Variants in PIP4K2A observed in about 807,000 individuals in gnomAD.
PIP4K2A encodes the protein phosphatidylinositol-5-phosphate 4-kinase type 2 alpha, also known as phosphatidylinositol 5-phosphate 4-kinase type-2 alpha.
In PIP4K2A, 14 loss-of-function variants were observed where a neutral mutation model predicts 42.9. That is an observed-to-expected ratio of 0.33 (90% confidence interval 0.22 to 0.51). PIP4K2A has a LOEUF of 0.51. Ranked by LOEUF, PIP4K2A falls within the 20% of genes least tolerant of loss-of-function variation. The pLI, the probability that PIP4K2A is intolerant of heterozygous loss-of-function variation, is 0.97. For synonymous variants in PIP4K2A, 192 were observed against 192.2 expected (o/e 1.00, Z 0.01); for missense variants, 434 against 519.8 (o/e 0.83, Z 1.61).
At chr10:22,565,763 C>T (rs948082529) in intron 6 of PIP4K2A, among the ~76,000 whole-genome samples, 28 of 152,154 alleles carry the variant, frequency 1.8e-4, no homozygotes, top group South Asian at 2.1e-4. Context: ...GGAGAAATAT[C>T]GCTGAATTCT....
At chr10:22,645,029 C>A (rs1220463039) in intron 1 of PIP4K2A, among the ~76,000 whole-genome samples, 1 of 152,168 alleles carries the variant, frequency 6.6e-6, no homozygotes, top group African/African-American at 2.4e-5. Context: ...TGGGGACTTA[C>A]TAAAAGAGCA....
intron 3 of PIP4K2A, among the ~76,000 whole-genome samples, chr10:22,593,045 T>C (rs1171903035): frequency 6.6e-6 from 1 of 152,210 alleles, no homozygotes; most frequent in Non-Finnish European, 1.5e-5. Context: ...CCAGTCTCTT[T>C]ATCCTTTCCT....
intron 1 of PIP4K2A, among the ~76,000 whole-genome samples, chr10:22,668,960 TC>T (rs1025008832): frequency 6.6e-6 from 1 of 152,234 alleles, no homozygotes; most frequent in Non-Finnish European, 1.5e-5. Flanking sequence ...TTAATACATT[TC>T]ATTTTTAATA....
Position 22,550,719 on chromosome 10 carries a change from C to T in PIP4K2A, c.732G>A (p.Lys244=). 1.2e-6 allele frequency: 2 copies of T among 1,609,186 alleles called. No homozygotes were observed. Among genetic ancestry groups the T allele is most frequent in the Non-Finnish European group, 1.7e-6 (2 of 1,175,442 alleles). ...KDNDFINEGQ[K]IYIDDNNKKV... ...TCTTGTTGTTGTCATCAATATAAAT[C>T]TTTTGGCCCTCATTAATGAAATCAT... The change falls in exon 7 of 10, where the codon AAG becomes AAA. Residue 244 remains lysine (K), a synonymous_variant. Coordinates refer to ENST00000376573, the MANE Select transcript of PIP4K2A (RefSeq NM_005028.5).
intron 1 of PIP4K2A, among the ~76,000 whole-genome samples, chr10:22,665,831 T>A (rs942028794): frequency 3.3e-5 from 5 of 151,692 alleles, no homozygotes; most frequent in African/African-American, 1.2e-4. Flanking sequence ...TATATATACA[T>A]ACACACACAG....
At chr10:22,678,311 C>T (rs970192628) in intron 1 of PIP4K2A, among the ~76,000 whole-genome samples, 1 of 151,840 alleles carries the variant, frequency 6.6e-6, no homozygotes, top group African/African-American at 2.4e-5. Context: ...CACACATGTG[C>T]GTGTCTTCAT....
chr10:22,549,516 ATTGTT>A (rs1836345985), intron 7 of PIP4K2A, among the ~76,000 whole-genome samples: 1 of 152,152 alleles, frequency 6.6e-6, no homozygotes, highest in South Asian at 2.1e-4. Flanking sequence ...TTCCCACTGC[ATTGTT>A]TTGTAACTCA....
chr10:22,703,004 G>C (rs919265074), intron 1 of PIP4K2A, among the ~76,000 whole-genome samples: 10 of 152,292 alleles, frequency 6.6e-5, no homozygotes, highest in African/African-American at 2.4e-4. Flanking sequence ...GAAAATAACA[G>C]TATGATAGTG....
At chr10:22,548,085 A>C (rs4532931) in intron 7 of PIP4K2A, among the ~76,000 whole-genome samples, 88,119 of 152,076 alleles carry the variant, frequency 0.58, 26,215 homozygotes, top group South Asian at 0.78. Flanking sequence ...GGAACTGATG[A>C]AAACAGAAAA....
chr10:22,636,591 G>A (rs931038083), intron 1 of PIP4K2A, among the ~76,000 whole-genome samples: 11 of 152,160 alleles, frequency 7.2e-5, no homozygotes, highest in South Asian at 2.1e-4. Flanking sequence ...CACCTCATTC[G>A]CTGTAGGGGT....
At chr10:22,712,156 C>T (rs143128586) in intron 1 of PIP4K2A, among the ~76,000 whole-genome samples, 2 of 152,236 alleles carry the variant, frequency 1.3e-5, no homozygotes, top group East Asian at 3.9e-4. Flanking sequence ...GAAAATAACA[C>T]CAAATGTACT....
chr10:22,668,285 C>A (rs1202889394), intron 1 of PIP4K2A, among the ~76,000 whole-genome samples: 2 of 152,060 alleles, frequency 1.3e-5, no homozygotes, highest in African/African-American at 4.8e-5. Context: ...TTTAAAATTC[C>A]CTGCATTAAA....
At chr10:22,568,906 C>T (rs1489369391) in intron 5 of PIP4K2A, 7 of 804,206 alleles carry the variant, frequency 8.7e-6, no homozygotes, top group Non-Finnish European at 1.4e-5. Flanking sequence ...CACTGGACAC[C>T]CCTAACTATC....
intron 6 of PIP4K2A, among the ~76,000 whole-genome samples, chr10:22,562,968 A>G (rs1453596952): frequency 6.6e-6 from 1 of 152,130 alleles, no homozygotes; most frequent in Non-Finnish European, 1.5e-5. Context: ...TGGGAGCCAG[A>G]TTGCAGCAGG....
intron 7 of PIP4K2A, among the ~76,000 whole-genome samples, chr10:22,549,626 G>T (rs1421863358): frequency 6.6e-6 from 1 of 151,584 alleles, no homozygotes; most frequent in Non-Finnish European, 1.5e-5. Flanking sequence ...TGGATCACGA[G>T]GTCAGGAGAT....
intron 1 of PIP4K2A, among the ~76,000 whole-genome samples, chr10:22,705,425 TTAAA>T (rs1208444534): frequency 7.0e-5 from 4 of 56,904 alleles, no homozygotes; most frequent in African/African-American, 2.8e-4. Context: ...AGTACCCCAG[TTAAA>T]AAAAAAAAAA....
chr10:22,712,296 A>G (rs1264451525), intron 1 of PIP4K2A, among the ~76,000 whole-genome samples: 4 of 152,222 alleles, frequency 2.6e-5, no homozygotes, highest in Non-Finnish European at 5.9e-5. Flanking sequence ...TAAAACATAC[A>G]CAATTACAAG....
chr10:22,575,734 C>T lies in PIP4K2A; in HGVS notation c.493-2277G>A, dbSNP rs190663164. On this transcript the variant is annotated intron_variant, in intron 4 of 9. Coordinates refer to ENST00000376573, the MANE Select transcript of PIP4K2A (RefSeq NM_005028.5). ...GCAGGTGGATCACGAGGTCAGGAGTCCAAGATCAGCCTGGCCAAGATGGTG... is the reference window on the plus strand; with the variant it reads ...GCAGGTGGATCACGAGGTCAGGAGTTCAAGATCAGCCTGGCCAAGATGGTG... Among the ~76,000 whole-genome samples the T allele has an allele frequency of 5.3e-5, 8 of 152,016 alleles. No homozygotes were observed. The East Asian group carries it at 1.6e-3, about 29-fold the overall frequency.
rs75645178 is a variant in PIP4K2A, at chr10:22,599,448, A to C, written c.340-7667T>G. Among the ~76,000 whole-genome samples, 13 of 152,284 alleles carry C rather than the reference A, an allele frequency of 8.5e-5. No homozygotes were observed. The East Asian group carries it at 2.5e-3, about 29-fold the overall frequency. On this transcript the variant is annotated intron_variant, in intron 3 of 9. Transcript: ENST00000376573. ...TGACTGGCCCAAACATTGATCTTTC[A>C]AGTGCCCTAGCCTAGACACACTCAT...
Sources: gnomAD v4.1 joint callset for allele counts (sites outside exome capture counted in the v4.1 genomes callset) on GRCh38, gnomAD v4.1.1 for gene constraint, MANE v1.5 for transcripts, NCBI Gene and HGNC (gene_info 2026-07-23, HGNC 2026-07-21) for gene names.